Variants in NPAS2 observed in about 807,000 individuals in gnomAD.
The protein encoded by NPAS2 is neuronal PAS domain protein 2, also known as neuronal PAS domain-containing protein 2.
In NPAS2, 23 loss-of-function variants were observed where a neutral mutation model predicts 107.5. That is an observed-to-expected ratio of 0.21 (90% CI 0.15 to 0.30). NPAS2 has a LOEUF of 0.30. NPAS2 is among the 10% of genes least tolerant of loss of function. The probability of loss-of-function intolerance (pLI) is 1.00; values close to 1 mark genes in which losing one functional copy is unlikely to be tolerated. For synonymous variants in NPAS2, 403 were observed against 417.5 expected (o/e 0.97, Z 0.42); for missense variants, 756 against 1,043.3 (o/e 0.72, Z 3.79).
chr2:100,971,953 T>TTTTTTTTGAGACAAAGTCTCAAAGTC (rs1553464199), intron 12 of NPAS2, among the ~76,000 whole-genome samples: 63 of 151,412 alleles, frequency 4.2e-4, no homozygotes, highest in African/African-American at 1.3e-3. Flanking sequence ...CTTTTTTTTT[T>TTTTTTTTGAGACAAAGTCTCAAAGTC]TTTTTTGAGA....
chr2:100,946,078 C>G (rs1674878552), intron 5 of NPAS2, among the ~76,000 whole-genome samples: 1 of 152,226 alleles, frequency 6.6e-6, no homozygotes, highest in African/African-American at 2.4e-5. Context: ...TACTGTGGTG[C>G]AGGTGCCCTT....
In NPAS2 at chr2:100,862,556, C is replaced by T. The variant is rs573513340; in HGVS notation, c.-23+42142C>T. ...TGGAGGTCAGGGCATGGTGATCCAG[C>T]GGCTGCCTGACAGTCACTGCCCAGA... is the stretch of plus-strand genomic sequence containing the variant. On this transcript the variant is annotated intron_variant, in intron 1 of 20. Coordinates refer to ENST00000335681, the MANE Select transcript of NPAS2 (RefSeq NM_002518.4). 5.7e-4 allele frequency among the ~76,000 whole-genome samples: 87 copies of T among 152,228 alleles called. 2 individuals carry two copies. In the South Asian group the frequency reaches 0.017, roughly 30 times the overall value.
chr2:100,914,693 C>A (rs751544753), intron 2 of NPAS2, among the ~76,000 whole-genome samples: 2 of 152,128 alleles, frequency 1.3e-5, no homozygotes, highest in Non-Finnish European at 2.9e-5. Flanking sequence ...TCTCTGTTCC[C>A]ACCCTTTGAT....
chr2:100,970,159 A>C (rs149750501), intron 11 of NPAS2, among the ~76,000 whole-genome samples: 1 of 152,238 alleles, frequency 6.6e-6, no homozygotes, highest in East Asian at 1.9e-4. Context: ...CTCTGACTCC[A>C]TGGCAGCCGC....
In NPAS2 at chr2:100,982,376, A is replaced by G; in HGVS notation, c.1628A>G (p.Gln543Arg). 6.2e-7 allele frequency: 1 copy of G among 1,613,900 alleles called. No homozygotes were observed. The highest frequency in any genetic ancestry group is 8.5e-7 in the Non-Finnish European group (1 of 1,180,006). Residue 543 changes from glutamine to arginine, a missense_variant and splice_region_variant, in exon 16 of 21, where the codon CAG (glutamine) becomes CGG (arginine). Gln to Arg is a conservative substitution (Grantham distance 43). Transcript: ENST00000335681. ...TGCCTGGTCCAGGACTCCAACGTCC[A>G]GGTGATCCCCTTCCCGGGCTGGCCT... Reference protein sequence around the residue: ...QLCLVQDSNVQMFLQQPAVSL... With the variant: ...QLCLVQDSNVRMFLQQPAVSL...
intron 16 of NPAS2, chr2:100,982,595 C>T: frequency 2.6e-5 from 15 of 587,970 alleles, no homozygotes; most frequent in South Asian, 2.4e-4. Context: ...CCTCTTCCCT[C>T]GCCCCTCACT....
Position 100,990,869 on chromosome 2 carries a change from T to A in NPAS2, c.2108T>A (p.Val703Asp), listed in dbSNP as rs749148751. ...PSEVSRTGRQ[V>D]KYAQSQTVFQ... ...GAAGTCAGCAGGACGGGACGGCAAG[T>A]CAAGTACGTGGACCCTGGCGGGAGG... The change falls in exon 19 of 21, where the codon GTC becomes GAC. Residue 703 changes from valine to aspartate, a missense_variant. This residue lies in a region of NPAS2 where 496 missense variants were observed against 594.4 expected (regional missense o/e 0.83). Transcript: ENST00000335681. 8 of 1,613,836 alleles carry A rather than the reference T, an allele frequency of 5.0e-6. No individual in the cohort carries two copies. The African/African-American group carries it at 9.3e-5, about 19-fold the overall frequency.
At chr2:100,975,053 CAG>C (rs1344375194) in intron 13 of NPAS2, 109 bp downstream of exon 13, 1 of 1,226,600 alleles carries the variant, frequency 8.2e-7, no homozygotes, top group Non-Finnish European at 1.1e-6. Flanking sequence ...GTGCCTCCGA[CAG>C]AGGTTGCCGT....
intron 2 of NPAS2, among the ~76,000 whole-genome samples, chr2:100,914,044 C>G (rs1291829909): frequency 6.6e-6 from 1 of 152,160 alleles, no homozygotes; most frequent in Non-Finnish European, 1.5e-5. Context: ...ATCATCTCTT[C>G]ACCAAGAAGG....
intron 17 of NPAS2, chr2:100,988,972 A>G (rs1305447319): frequency 7.7e-5 from 5 of 65,330 alleles, no homozygotes; most frequent in Non-Finnish European, 1.4e-4. Flanking sequence ...CTGCTCCTCC[A>G]GGCCCCCCTG....
chr2:100,988,729 C>T (rs558055477), intron 17 of NPAS2: 1 of 328,192 alleles, frequency 3.0e-6, no homozygotes, highest in South Asian at 2.4e-5. Context: ...CCCTGCTCCT[C>T]CAGGCGCCCC....
intron 1 of NPAS2, among the ~76,000 whole-genome samples, chr2:100,903,488 C>T (rs542014112): frequency 3.3e-5 from 5 of 152,276 alleles, no homozygotes; most frequent in Admixed American, 2.6e-4. Flanking sequence ...TGTTTGTGTA[C>T]GTAGGTGACC....
intron 1 of NPAS2, among the ~76,000 whole-genome samples, chr2:100,867,191 T>C (rs1679308047): frequency 6.6e-6 from 1 of 152,252 alleles, no homozygotes; most frequent in Non-Finnish European, 1.5e-5. Context: ...TAATATTCCA[T>C]ATTTGTCCAT....
chr2:100,996,016 G>A lies in NPAS2; in HGVS notation c.*434G>A. ...GAAGGACTGGGTCAGAGATCTGTTGGAGAGAGAGAATAAAGAGATTATTTT... is the reference window on the plus strand; with the variant it reads ...GAAGGACTGGGTCAGAGATCTGTTGAAGAGAGAGAATAAAGAGATTATTTT... On this transcript the variant is annotated 3_prime_UTR_variant, in exon 21 of 21. Transcript: ENST00000335681. The A allele has an allele frequency of 8.7e-7, 1 of 1,150,238 alleles. No homozygotes were observed. Among genetic ancestry groups the A allele is most frequent in the Non-Finnish European group, 1.1e-6 (1 of 897,562 alleles). The allele number at this position is 1,150,238 out of a possible 1,614,324, so 71.3% of individuals were successfully genotyped here.
At chr2:100,990,758 A>AT in intron 18 of NPAS2, 22 bp from the exon 19 acceptor site, 2 of 1,608,134 alleles carry the variant, frequency 1.2e-6, no homozygotes, top group Non-Finnish European at 8.5e-7. Context: ...TCAGTTTCCT[A>AT]TTTCCCCACC....
intron 5 of NPAS2, among the ~76,000 whole-genome samples, chr2:100,946,512 G>A (rs1674907775): frequency 1.3e-5 from 2 of 152,162 alleles, no homozygotes; most frequent in Non-Finnish European, 1.5e-5. Context: ...AGGCAAACTG[G>A]AGGAAAAAAG....
rs1340648301 is a variant in NPAS2, at chr2:100,925,224, T to C, written c.111T>C (p.Pro37=). ...TCAAAGAGCTCAGTTCCATGCTCCC[T>C]GGCAACACGCGGAAAATGGACAAAA... ...VLIKELSSML[P]GNTRKMDKTT... Residue 37 remains proline, a synonymous_variant, in exon 3 of 21, where the codon CCT becomes CCC. Transcript: ENST00000335681. 4.3e-6 allele frequency: 7 copies of C among 1,614,018 alleles called. No homozygotes were observed. The Admixed American group carries it at 6.7e-5, about 15-fold the overall frequency.
At chr2:100,830,704 T>C (rs1676677014) in intron 1 of NPAS2, among the ~76,000 whole-genome samples, 2 of 152,216 alleles carry the variant, frequency 1.3e-5, no homozygotes, top group South Asian at 4.1e-4. Context: ...TCCCCGTCAG[T>C]AGAAGTCAGA....
intron 2 of NPAS2, among the ~76,000 whole-genome samples, chr2:100,920,741 TG>T (rs1683169668): frequency 6.6e-6 from 1 of 152,260 alleles, no homozygotes; most frequent in African/African-American, 2.4e-5. Flanking sequence ...TGACTCTTCA[TG>T]CTTCTCCCTG....
Sources: allele counts gnomAD v4.1 joint callset (sites outside exome capture counted in the v4.1 genomes callset), GRCh38; gene constraint gnomAD v4.1.1; regional missense constraint gnomAD v4.1.1; transcripts MANE v1.5; gene names NCBI Gene and HGNC (gene_info 2026-07-23, HGNC 2026-07-21).